NRXN3: variants seen among roughly 807,000 people sequenced by gnomAD.
The protein encoded by NRXN3 is neurexin 3, also known as neurexin III.
NRXN3 carries 32 observed loss-of-function variants against 137.6 expected under a neutral mutation model. The ratio of observed to expected loss-of-function variants is 0.23; its 90% CI spans 0.18 to 0.31. The LOEUF is 0.31. NRXN3 is among the 10% of genes least tolerant of loss of function. The pLI, the probability that NRXN3 is intolerant of heterozygous loss-of-function variation, is 1.00. For missense variants in NRXN3, 1,574 were observed against 2,062.5 expected (o/e 0.76, Z 4.59); for synonymous variants, 798 against 784.5 (o/e 1.02, Z -0.29).
At chr14:79,008,282 C>G (rs2099558734) in intron 15 of NRXN3, among the ~76,000 whole-genome samples, 1 of 152,118 alleles carries the variant, frequency 6.6e-6, no homozygotes, top group Non-Finnish European at 1.5e-5. Flanking sequence ...AAATTTCAAG[C>G]AAACATAAAG....
intron 17 of NRXN3, among the ~76,000 whole-genome samples, chr14:79,665,166 G>T (rs559090363): frequency 6.6e-6 from 1 of 152,236 alleles, no homozygotes; most frequent in Admixed American, 6.5e-5. Flanking sequence ...GCGCTGTTGG[G>T]TTGTTCCCTA....
chr14:78,216,293 A>G (rs542752568), intron 1 of NRXN3, among the ~76,000 whole-genome samples: 1 of 151,984 alleles, frequency 6.6e-6, no homozygotes, highest in Non-Finnish European at 1.5e-5. Flanking sequence ...TGCCGATGAC[A>G]GTTTGCATTT....
chr14:79,703,998 C>A (rs2098765874), intron 19 of NRXN3, among the ~76,000 whole-genome samples: 1 of 152,046 alleles, frequency 6.6e-6, no homozygotes, highest in Admixed American at 6.6e-5. Context: ...TATACTCATA[C>A]AAACTCACAA....
intron 14 of NRXN3, among the ~76,000 whole-genome samples, chr14:78,981,018 C>A (rs1183215446): frequency 6.6e-6 from 1 of 152,064 alleles, no homozygotes; most frequent in Non-Finnish European, 1.5e-5. Flanking sequence ...TAAAAAAAGA[C>A]TTCATAAATA....
intron 8 of NRXN3, among the ~76,000 whole-genome samples, chr14:78,766,354 G>A (rs1332366131): frequency 1.3e-5 from 2 of 152,128 alleles, no homozygotes; most frequent in Non-Finnish European, 2.9e-5. Context: ...TGGTAACAGG[G>A]CATTTGCAGA....
intron 15 of NRXN3, among the ~76,000 whole-genome samples, chr14:79,389,079 A>T (rs2094749414): frequency 6.6e-6 from 1 of 152,198 alleles, no homozygotes; most frequent in Non-Finnish European, 1.5e-5. Flanking sequence ...GTATGTCTTT[A>T]TTAGCAGCAT....
chr14:78,504,501 T>C lies in NRXN3; in HGVS notation c.758-140619T>C, dbSNP rs183853738. ...CTCCATGATGTTCTTAAAGGAGAGA[T>C]GAATGAGGAGATAATGGTGTGTATG... On this transcript the variant is annotated intron_variant, in intron 4 of 20. Transcript: ENST00000335750. Among the ~76,000 whole-genome samples the C allele has an allele frequency of 1.2e-3, 177 of 152,266 alleles. 2 individuals are homozygous for C. Among genetic ancestry groups the C allele is most frequent in the Non-Finnish European group, 1.5e-4 (10 of 67,996 alleles).
intron 4 of NRXN3, among the ~76,000 whole-genome samples, chr14:78,565,193 A>T (rs549099399): frequency 6.6e-6 from 1 of 152,306 alleles, no homozygotes; most frequent in African/African-American, 2.4e-5. Context: ...GAGTAAATGA[A>T]AGCAAGGATC....
At chr14:78,360,108 T>C (rs1325848217) in intron 4 of NRXN3, among the ~76,000 whole-genome samples, 1 of 152,168 alleles carries the variant, frequency 6.6e-6, no homozygotes, top group Non-Finnish European at 1.5e-5. Flanking sequence ...ACACCCCAGC[T>C]TCCTGAAAGG....
chr14:79,336,714 C>A (rs1219625769), intron 15 of NRXN3, among the ~76,000 whole-genome samples: 1 of 152,108 alleles, frequency 6.6e-6, no homozygotes, highest in Non-Finnish European at 1.5e-5. Context: ...GGAAGCAAGG[C>A]CCCCTAATTG....
At chr14:79,547,124 C>A (rs1277745305) in intron 16 of NRXN3, among the ~76,000 whole-genome samples, 3 of 152,138 alleles carry the variant, frequency 2.0e-5, no homozygotes, top group Admixed American at 6.6e-5. Context: ...AACAGTATGT[C>A]CATGCCCACT....
At chr14:79,045,327 A>G (rs1165219417) in intron 15 of NRXN3, among the ~76,000 whole-genome samples, 5 of 152,198 alleles carry the variant, frequency 3.3e-5, no homozygotes, top group African/African-American at 1.2e-4. Context: ...GGAGCAAGCC[A>G]TAAACAGAGA....
intron 19 of NRXN3, among the ~76,000 whole-genome samples, chr14:79,794,421 G>T (rs187517411): frequency 2.0e-5 from 3 of 151,892 alleles, no homozygotes; most frequent in African/African-American, 7.3e-5. Context: ...AGAGGTCTCC[G>T]GGTTGCCCTA....
Position 79,008,804 on chromosome 14 carries a change from G to A in NRXN3, c.3262+20663G>A, listed in dbSNP as rs10129292. ...CTCCCGAGTAGCTGGGATTATAGGC[G>A]CCCACCACCACACCTGGCTAATTTT... On this transcript the variant is annotated intron_variant, in intron 15 of 20. Transcript: ENST00000335750. Among the ~76,000 whole-genome samples, 564 of 151,844 alleles carry A rather than the reference G, an allele frequency of 3.7e-3. 3 individuals carry two copies. Among genetic ancestry groups the A allele is most frequent in the African/African-American group, 0.012 (513 of 41,442 alleles).
intron 20 of NRXN3, among the ~76,000 whole-genome samples, chr14:79,860,566 T>C (rs569760225): frequency 2.1e-4 from 32 of 152,334 alleles, no homozygotes; most frequent in African/African-American, 7.7e-4. Context: ...TTGGTCTCAA[T>C]AAGATGGTGA....
intron 15 of NRXN3, among the ~76,000 whole-genome samples, chr14:79,436,498 A>G (rs2095847888): frequency 6.6e-6 from 1 of 152,122 alleles, no homozygotes; most frequent in South Asian, 2.1e-4. Flanking sequence ...CAGACTGCTT[A>G]CCCAGCTGTA....
At chr14:78,500,189 G>A (rs1466762060) in intron 4 of NRXN3, among the ~76,000 whole-genome samples, 1 of 152,080 alleles carries the variant, frequency 6.6e-6, no homozygotes, top group Non-Finnish European at 1.5e-5. Flanking sequence ...ATGGTACAGA[G>A]GTGCTTTAAT....
At position 78,823,026 on chromosome 14, in the gene NRXN3, C is replaced by T. The variant is rs75813305; in HGVS notation, c.2275+12682C>T. Reference sequence around the variant, plus strand: ...TCTATAGGCATATTAGTGCCCCATGCTTGCCATAACCAGTCTCGAAGGCAT... The same window carrying T: ...TCTATAGGCATATTAGTGCCCCATGTTTGCCATAACCAGTCTCGAAGGCAT... On this transcript the variant is annotated intron_variant, in intron 10 of 20. Coordinates refer to ENST00000335750, the MANE Select transcript of NRXN3 (RefSeq NM_001330195.2). 2.4e-4 allele frequency among the ~76,000 whole-genome samples: 36 copies of T among 152,304 alleles called. No individual in the cohort carries two copies. In the East Asian group the frequency reaches 6.6e-3, roughly 28 times the overall value.
chr14:78,692,806 C>CAA (rs1555440821), intron 6 of NRXN3, among the ~76,000 whole-genome samples: 12 of 152,030 alleles, frequency 7.9e-5, no homozygotes, highest in South Asian at 2.1e-4. Flanking sequence ...GCAGGCCAGG[C>CAA]GCAGTGGCTC....
Sources: gnomAD v4.1 joint callset for allele counts (sites outside exome capture counted in the v4.1 genomes callset) on GRCh38, gnomAD v4.1.1 for gene constraint, MANE v1.5 for transcripts, NCBI Gene and HGNC (gene_info 2026-07-23, HGNC 2026-07-21) for gene names.